RGS10: variants seen among roughly 807,000 people sequenced by gnomAD.
The protein encoded by RGS10 is regulator of G-protein signalling 10.
In RGS10, 11 loss-of-function variants were observed where a neutral mutation model predicts 23.5. The observed-to-expected ratio is 0.47, with a 90% CI of 0.29 to 0.77. The LOEUF (loss-of-function observed/expected upper bound fraction) is 0.77, where lower values mean the gene tolerates loss of function less well. RGS10 is among the 30% of genes least tolerant of loss of function. RGS10 has a pLI of 0.08. For synonymous variants in RGS10, 77 were observed against 83.2 expected (o/e 0.92, Z 0.41); for missense variants, 180 against 226.3 (o/e 0.80, Z 1.31).
At chr10:119,528,891 C>G (rs1844306404) in intron 1 of RGS10, among the ~76,000 whole-genome samples, 1 of 148,968 alleles carries the variant, frequency 6.7e-6, no homozygotes, top group Non-Finnish European at 1.5e-5. Context: ...TATCCTGATG[C>G]CTGAGGTTTT....
intron 1 of RGS10, among the ~76,000 whole-genome samples, chr10:119,535,214 A>G (rs996895756): frequency 6.6e-6 from 1 of 152,000 alleles, no homozygotes; most frequent in Non-Finnish European, 1.5e-5. Context: ...TTAAGAGACC[A>G]AGAACAATCA....
intron 1 of RGS10, among the ~76,000 whole-genome samples, chr10:119,533,725 G>A (rs1844355891): frequency 1.3e-5 from 2 of 152,200 alleles, no homozygotes; most frequent in African/African-American, 4.8e-5. Flanking sequence ...GGGAAGACCT[G>A]CTTGTGATAT....
chr10:119,528,099 C>T (rs1196490202), intron 1 of RGS10, among the ~76,000 whole-genome samples: 2 of 152,138 alleles, frequency 1.3e-5, no homozygotes, highest in Non-Finnish European at 2.9e-5. Flanking sequence ...AGCACAGTCT[C>T]GGCTCACTGC....
rs888092663 is a variant in RGS10 at position 119,524,195 on chromosome 10, G to A, written c.255+1837C>T. ...CTTGAGGTGCCCGTTCCCTGGAGCC[G>A]CTCACCTGTCCTGTCCCTGGGCTGC... On this transcript the variant is annotated intron_variant, in intron 3 of 4. Coordinates refer to ENST00000369103, the MANE Select transcript of RGS10 (RefSeq NM_001005339.2). This position sits in a 1 kb window ranked among gnomAD's most constrained non-coding sequence, Gnocchi z 5.2. Among the ~76,000 whole-genome samples, 7 of 152,180 alleles carry A rather than the reference G, an allele frequency of 4.6e-5. No homozygotes were observed.
chr10:119,513,372 A>C (rs1844099422), intron 4 of RGS10, among the ~76,000 whole-genome samples: 1 of 152,158 alleles, frequency 6.6e-6, no homozygotes, highest in Non-Finnish European at 1.5e-5. Flanking sequence ...AGGTGGGAGG[A>C]TCACTTGAGC....
chr10:119,520,092 G>A (rs902494641), intron 3 of RGS10, among the ~76,000 whole-genome samples: 4 of 152,114 alleles, frequency 2.6e-5, no homozygotes, highest in African/African-American at 4.8e-5. Flanking sequence ...GCTGGCCTCC[G>A]GCTCCTCTCC....
At position 119,515,497 on chromosome 10, in the gene RGS10, AAGTCGGG is replaced by A. The variant is rs1449968394; in HGVS notation, c.399+5_399+11del. On this transcript the variant is annotated splice_donor_5th_base_variant and intron_variant, in intron 4 of 4. Transcript: ENST00000369103. ...TTTTCAAATCAAGGTGCAGGCAGGG[AAGTCGGG>A]TTACCTGGTCCTGGAGTTTCTGGAA... 1.2e-6 allele frequency: 2 copies of A among 1,613,834 alleles called. No individual in the cohort carries two copies. The highest frequency in any genetic ancestry group is 2.7e-5 in the African/African-American group (2 of 74,902).
At position 119,538,027 on chromosome 10, in the gene RGS10, T is replaced by C. The variant is rs1844405385; in HGVS notation, c.49+4563A>G. On this transcript the variant is annotated intron_variant, in intron 1 of 4. Transcript: ENST00000369103. This position sits in a 1 kb window ranked among gnomAD's most constrained non-coding sequence, Gnocchi z 4.5. ...ACCTGAGATTATATCTTTCCTACTATTGGGGGTGTTAAAATGTCCTTTTCT... is the reference window on the plus strand; with the variant it reads ...ACCTGAGATTATATCTTTCCTACTACTGGGGGTGTTAAAATGTCCTTTTCT... Among the ~76,000 whole-genome samples, 1 of 151,996 alleles carries C rather than the reference T, an allele frequency of 6.6e-6. No homozygotes were observed. Among genetic ancestry groups the C allele is most frequent in the African/African-American group, 2.4e-5 (1 of 41,346 alleles).
At chr10:119,512,616 C>T (rs1291702036) in intron 4 of RGS10, among the ~76,000 whole-genome samples, 1 of 152,088 alleles carries the variant, frequency 6.6e-6, no homozygotes, top group East Asian at 1.9e-4. Context: ...GGCACTATCT[C>T]GGCTCAGTGC....
At chr10:119,502,467 G>A (rs1389990490) in intron 4 of RGS10, among the ~76,000 whole-genome samples, 2 of 152,250 alleles carry the variant, frequency 1.3e-5, no homozygotes, top group Admixed American at 1.3e-4. Context: ...AGGATGCGGT[G>A]CGACCCAAGC....
intron 1 of RGS10, among the ~76,000 whole-genome samples, chr10:119,533,363 A>C (rs1427373667): frequency 2.0e-5 from 3 of 152,172 alleles, no homozygotes; most frequent in Non-Finnish European, 4.4e-5. Context: ...AAAAGAAAAA[A>C]ATGTTAACAA....
intron 1 of RGS10, among the ~76,000 whole-genome samples, chr10:119,537,280 G>A (rs1844397848): frequency 6.6e-6 from 1 of 151,756 alleles, no homozygotes; most frequent in South Asian, 2.1e-4. Context: ...TACTCAGGAG[G>A]CTGAGGCAGG....
intron 3 of RGS10, among the ~76,000 whole-genome samples, chr10:119,522,446 C>T (rs1345124978): frequency 3.9e-5 from 6 of 152,136 alleles, no homozygotes; most frequent in Non-Finnish European, 7.3e-5. Context: ...TGGCCGGGCG[C>T]GGTGGCTCAC....
chr10:119,522,138 T>C (rs776098905), intron 3 of RGS10, among the ~76,000 whole-genome samples: 2 of 152,120 alleles, frequency 1.3e-5, no homozygotes, highest in Non-Finnish European at 1.5e-5. Flanking sequence ...TCGGAGACAG[T>C]GGGGAAGAAG....
intron 4 of RGS10, among the ~76,000 whole-genome samples, chr10:119,502,043 A>T (rs1843958418): frequency 6.6e-6 from 1 of 151,978 alleles, no homozygotes. Context: ...CTGCCTCCTT[A>T]AGCCCCTGTC....
intron 4 of RGS10, among the ~76,000 whole-genome samples, chr10:119,514,012 AT>A (rs1261221940): frequency 1.3e-5 from 2 of 152,258 alleles, no homozygotes; most frequent in African/African-American, 4.8e-5. Context: ...TGGAGATAAA[AT>A]GAGACAATAC....
chr10:119,516,809 G>A (rs1196131588), intron 3 of RGS10, among the ~76,000 whole-genome samples: 3 of 152,176 alleles, frequency 2.0e-5, no homozygotes, highest in Non-Finnish European at 2.9e-5. Flanking sequence ...GGCTGCAGGC[G>A]CAGGAGCCCT....
At chr10:119,506,357 G>A (rs1000932665) in intron 4 of RGS10, among the ~76,000 whole-genome samples, 5 of 152,350 alleles carry the variant, frequency 3.3e-5, no homozygotes, top group East Asian at 1.9e-4. Flanking sequence ...AGGCTCTGTC[G>A]CCTTGCACGG....
At chr10:119,536,444 G>A (rs1415820078) in intron 1 of RGS10, 11 of 1,612,014 alleles carry the variant, frequency 6.8e-6, no homozygotes, top group Non-Finnish European at 8.5e-6. Context: ...ACATGGAAAG[G>A]GGTGGGGGCG....
Sources: allele counts gnomAD v4.1 joint callset (sites outside exome capture counted in the v4.1 genomes callset), GRCh38; gene constraint gnomAD v4.1.1; non-coding constraint Gnocchi (gnomAD v3.1); transcripts MANE v1.5; gene names NCBI Gene and HGNC (gene_info 2026-07-23, HGNC 2026-07-21).